LDB2: variants seen among roughly 807,000 people sequenced by gnomAD.
LDB2 encodes the protein LIM domain binding 2, also known as LIM domain-binding protein 2.
In LDB2, 12 loss-of-function variants were observed where a neutral mutation model predicts 44.3. That is an observed-to-expected ratio of 0.27 (90% CI 0.17 to 0.44). The LOEUF (loss-of-function observed/expected upper bound fraction) is 0.44, where lower values mean the gene tolerates loss of function less well. Ranked by LOEUF, LDB2 falls within the 20% of genes least tolerant of loss-of-function variation. The pLI is 1.00. For synonymous variants in LDB2, 164 were observed against 174.8 expected, an observed-to-expected ratio of 0.94 and a Z score of 0.49; for missense variants, 344 against 473.5, an observed-to-expected ratio of 0.73 and a Z score of 2.54.
At chr4:16,670,829 G>T (rs1744541742) in intron 2 of LDB2, among the ~76,000 whole-genome samples, 1 of 152,114 alleles carries the variant, frequency 6.6e-6, no homozygotes, top group South Asian at 2.1e-4. Flanking sequence ...ATGTAATAAG[G>T]GGTATGTGAA....
intron 2 of LDB2, chr4:16,726,484 A>C (rs1334209290): frequency 6.6e-6 from 1 of 150,430 alleles, no homozygotes; most frequent in Admixed American, 6.6e-5. Flanking sequence ...GGAGGCAAGG[A>C]ATATGAGAAG....
intron 2 of LDB2, among the ~76,000 whole-genome samples, chr4:16,652,374 C>CAGAAAAA (rs1246942160): frequency 1.5e-4 from 23 of 152,308 alleles, no homozygotes; most frequent in African/African-American, 5.1e-4. Context: ...TGAAAAGCTA[C>CAGAAAAA]TTAAACAGAT....
intron 2 of LDB2, among the ~76,000 whole-genome samples, chr4:16,596,590 A>G (rs1450150126): frequency 6.6e-6 from 1 of 152,230 alleles, no homozygotes; most frequent in Non-Finnish European, 1.5e-5. Flanking sequence ...AATAATTCCC[A>G]TCTCCATATA....
chr4:16,718,507 A>C (rs530158751), intron 2 of LDB2, among the ~76,000 whole-genome samples: 29 of 152,232 alleles, frequency 1.9e-4, no homozygotes, highest in Non-Finnish European at 3.2e-4. Flanking sequence ...CAAAAATGAG[A>C]GCTACAAATT....
At chr4:16,524,383 T>C (rs1361426777) in intron 5 of LDB2, among the ~76,000 whole-genome samples, 1 of 152,144 alleles carries the variant, frequency 6.6e-6, no homozygotes, top group Admixed American at 6.5e-5. Context: ...GATATTTAAG[T>C]TGAGACATAC....
rs139100211 is a variant in LDB2 at position 16,622,719 on chromosome 4, A to C, written c.236-26844T>G. On this transcript the variant is annotated intron_variant, in intron 2 of 7. Coordinates refer to ENST00000304523, the MANE Select transcript of LDB2 (RefSeq NM_001290.5). ...ATTTTCCCTGTTAATATTCATGTTGAATTGCTGAGAAACTAAGATGGGATT... is the reference window on the plus strand; with the variant it reads ...ATTTTCCCTGTTAATATTCATGTTGCATTGCTGAGAAACTAAGATGGGATT... Among the ~76,000 whole-genome samples the C allele has an allele frequency of 1.3e-3, 202 of 152,254 alleles. 1 individual carries two copies. Among genetic ancestry groups the C allele is most frequent in the Admixed American group, 1.2e-3 (19 of 15,288 alleles).
rs565602461 is a variant in LDB2 at position 16,555,347 on chromosome 4, G to C, written c.615+30575C>G. On this transcript the variant is annotated intron_variant, in intron 5 of 7. Coordinates refer to ENST00000304523, the MANE Select transcript of LDB2 (RefSeq NM_001290.5). ...CTGCGTTACTATGGGAAATTCCTTA[G>C]CATGGCAGATGGTACCGCCCTGCGA... 2.0e-5 allele frequency among the ~76,000 whole-genome samples: 3 copies of C among 152,268 alleles called. No individual in the cohort carries two copies. The South Asian group carries it at 6.2e-4, about 32-fold the overall frequency.
intron 5 of LDB2, among the ~76,000 whole-genome samples, chr4:16,538,334 G>A (rs1732557583): frequency 6.6e-6 from 1 of 152,010 alleles, no homozygotes; most frequent in Non-Finnish European, 1.5e-5. Context: ...TCCCTGCTCT[G>A]TGCCCAGAGG....
At chr4:16,788,521 A>G (rs1324184689) in intron 1 of LDB2, among the ~76,000 whole-genome samples, 1 of 152,236 alleles carries the variant, frequency 6.6e-6, no homozygotes, top group African/African-American at 2.4e-5. Context: ...ACTGAGAGAC[A>G]CTTTAGATCC....
intron 1 of LDB2, among the ~76,000 whole-genome samples, chr4:16,812,629 ATATGTG>A (rs1200267905): frequency 8.8e-5 from 3 of 34,018 alleles, no homozygotes; most frequent in Admixed American, 2.5e-4. Context: ...TGTATTAAAT[ATATGTG>A]TGTGTGTGTG....
At chr4:16,514,134 A>G (rs1284166660) in intron 5 of LDB2, among the ~76,000 whole-genome samples, 2 of 152,192 alleles carry the variant, frequency 1.3e-5, no homozygotes, top group East Asian at 1.9e-4. Flanking sequence ...TCACAGTCCA[A>G]CACAGTTGTG....
chr4:16,592,013 G>C (rs1278356382), intron 3 of LDB2, among the ~76,000 whole-genome samples: 3 of 152,176 alleles, frequency 2.0e-5, no homozygotes, highest in African/African-American at 7.2e-5. Flanking sequence ...ACCAAAATCA[G>C]CTGATTAGTT....
intron 2 of LDB2, among the ~76,000 whole-genome samples, chr4:16,658,873 T>A (rs1365488002): frequency 1.3e-5 from 2 of 152,186 alleles, no homozygotes; most frequent in Non-Finnish European, 2.9e-5. Context: ...GGTTAAGTAG[T>A]TTGCCCAAGG....
intron 5 of LDB2, among the ~76,000 whole-genome samples, chr4:16,551,581 G>A (rs1460393659): frequency 3.9e-5 from 6 of 151,934 alleles, no homozygotes; most frequent in Non-Finnish European, 7.4e-5. Flanking sequence ...TCAATGGCGC[G>A]ATCTCGGCTC....
chr4:16,620,721 C>G (rs931113447), intron 2 of LDB2, among the ~76,000 whole-genome samples: 3 of 152,140 alleles, frequency 2.0e-5, no homozygotes, highest in African/African-American at 7.2e-5. Context: ...AATACAAGCT[C>G]TACAGGGAAT....
At chr4:16,691,718 C>T (rs1196950805) in intron 2 of LDB2, among the ~76,000 whole-genome samples, 1 of 152,098 alleles carries the variant, frequency 6.6e-6, no homozygotes, top group Non-Finnish European at 1.5e-5. Context: ...AGAGGCAGTT[C>T]CACATCTTCT....
At chr4:16,838,665 C>T (rs898331371) in intron 1 of LDB2, among the ~76,000 whole-genome samples, 1 of 152,184 alleles carries the variant, frequency 6.6e-6, no homozygotes, top group Non-Finnish European at 1.5e-5. Context: ...CCAACACACA[C>T]TGAGGTCACC....
intron 5 of LDB2, among the ~76,000 whole-genome samples, chr4:16,526,920 A>C (rs1406962956): frequency 6.6e-6 from 1 of 152,254 alleles, no homozygotes; most frequent in African/African-American, 2.4e-5. Context: ...GAAAACCAAT[A>C]TAAGCATCCA....
intron 5 of LDB2, among the ~76,000 whole-genome samples, chr4:16,525,266 T>C (rs1444897198): frequency 6.6e-6 from 1 of 152,160 alleles, no homozygotes; most frequent in East Asian, 1.9e-4. Flanking sequence ...TCTCTCTTGG[T>C]TCTGGGCATG....
Sources: gnomAD v4.1 joint callset for allele counts (sites outside exome capture counted in the v4.1 genomes callset) on GRCh38, gnomAD v4.1.1 for gene constraint, MANE v1.5 for transcripts, NCBI Gene and HGNC (gene_info 2026-07-23, HGNC 2026-07-21) for gene names.